SNX13: variants seen among roughly 807,000 people sequenced by gnomAD.
SNX13 encodes sorting nexin-13.
In SNX13, 45 loss-of-function variants were observed where a neutral mutation model predicts 133.6. The observed-to-expected ratio is 0.34, with a 90% confidence interval of 0.27 to 0.43. The LOEUF is 0.43. SNX13 is among the 20% of genes least tolerant of loss of function. The pLI is 1.00. For synonymous variants in SNX13, 414 were observed against 373.9 expected, an observed-to-expected ratio of 1.11 and a Z score of -1.24; for missense variants, 1,032 against 1,145.1, an observed-to-expected ratio of 0.90 and a Z score of 1.43.
At chr7:17,835,809 T>C (rs1172072309) in intron 13 of SNX13, among the ~76,000 whole-genome samples, 1 of 152,030 alleles carries the variant, frequency 6.6e-6, no homozygotes, top group Non-Finnish European at 1.5e-5. Context: ...AATGCCCCAC[T>C]GTCAATTTGA....
In SNX13 at chr7:17,878,359, A is replaced by C. The variant is rs558751502; in HGVS notation, c.441-2569T>G. On this transcript the variant is annotated intron_variant, in intron 5 of 25. Coordinates refer to ENST00000428135, the MANE Select transcript of SNX13 (RefSeq NM_015132.5). ...ACACAATCCCTATATGGCCAAAAAAAGTGATACAATTAACCCTAGCTTGAA... is the reference window on the plus strand; with the variant it reads ...ACACAATCCCTATATGGCCAAAAAACGTGATACAATTAACCCTAGCTTGAA... Among the ~76,000 whole-genome samples the C allele has an allele frequency of 2.1e-3, 321 of 152,336 alleles. 1 individual carries two copies. Among genetic ancestry groups the C allele is most frequent in the Non-Finnish European group, 3.6e-3 (246 of 68,020 alleles).
At chr7:17,933,067 A>G (rs554298164) in intron 1 of SNX13, among the ~76,000 whole-genome samples, 2 of 152,182 alleles carry the variant, frequency 1.3e-5, no homozygotes, top group Non-Finnish European at 2.9e-5. Flanking sequence ...ATAAAAATCA[A>G]TCTCCAGCAC....
intron 8 of SNX13, among the ~76,000 whole-genome samples, chr7:17,871,118 G>A (rs942316278): frequency 1.3e-5 from 2 of 151,652 alleles, no homozygotes; most frequent in African/African-American, 4.8e-5. Flanking sequence ...CCATTCTCCT[G>A]CCTCAGCCTC....
At chr7:17,841,735 G>A (rs1789929588) in intron 12 of SNX13, among the ~76,000 whole-genome samples, 1 of 151,696 alleles carries the variant, frequency 6.6e-6, no homozygotes, top group Non-Finnish European at 1.5e-5. Context: ...CCTTAAAGAT[G>A]CCCAAAAGAC....
intron 5 of SNX13, among the ~76,000 whole-genome samples, chr7:17,884,121 T>C (rs2691552): frequency 0.64 from 96,951 of 151,952 alleles, 33,126 homozygotes; most frequent in African/African-American, 0.89. Context: ...AGAAGAATTA[T>C]AAATATATAG....
chr7:17,839,012 TAGA>T (rs1789519477), intron 13 of SNX13, among the ~76,000 whole-genome samples: 1 of 149,934 alleles, frequency 6.7e-6, no homozygotes, highest in African/African-American at 2.4e-5. Flanking sequence ...ACAATATTAT[TAGA>T]ATTGTTATTA....
At chr7:17,874,370 A>G (rs1794460589) in intron 7 of SNX13, among the ~76,000 whole-genome samples, 3 of 152,204 alleles carry the variant, frequency 2.0e-5, no homozygotes, top group Admixed American at 6.5e-5. Flanking sequence ...TGTTTACATT[A>G]TTGATAAGGG....
intron 1 of SNX13, among the ~76,000 whole-genome samples, chr7:17,933,800 G>GAAA (rs67821826): frequency 2.8e-5 from 4 of 142,568 alleles, no homozygotes; most frequent in African/African-American, 2.6e-5. Flanking sequence ...GGAATATACA[G>GAAA]AAAAAAAAAA....
rs780387212 is a variant in SNX13 at position 17,821,503 on chromosome 7, C to A, written c.1845+6G>T. 21 of 1,604,802 alleles carry A rather than the reference C, an allele frequency of 1.3e-5. No individual in the cohort carries two copies. Among genetic ancestry groups the A allele is most frequent in the Non-Finnish European group, 1.7e-5 (20 of 1,175,874 alleles). On this transcript the variant is annotated splice_donor_region_variant and intron_variant, in intron 18 of 25. Transcript: ENST00000428135. ...TAAAGTACACAAGTTTTTAAAACTT[C>A]ATTACCTGTTCAGTGATTCTCATGT...
chr7:17,855,105 C>T (rs1047574463), intron 9 of SNX13, among the ~76,000 whole-genome samples: 1 of 152,170 alleles, frequency 6.6e-6, no homozygotes, highest in Non-Finnish European at 1.5e-5. Flanking sequence ...GACAGAAAAT[C>T]ACACCAGACA....
intron 18 of SNX13, among the ~76,000 whole-genome samples, chr7:17,816,748 AAC>A (rs1234489167): frequency 6.6e-6 from 1 of 152,208 alleles, no homozygotes; most frequent in African/African-American, 2.4e-5. Context: ...GAAAATAAAA[AAC>A]ATTGTCCAAA....
intron 16 of SNX13, among the ~76,000 whole-genome samples, chr7:17,828,700 A>G (rs1038376298): frequency 2.0e-5 from 3 of 151,660 alleles, no homozygotes; most frequent in Non-Finnish European, 4.4e-5. Context: ...ACTGACTTCA[A>G]GTATGACTGT....
chr7:17,794,067 G>A lies in SNX13; in HGVS notation c.2852C>T (p.Ala951Val), dbSNP rs966638937. ...GTGTCACCTTTTCTGCAAAGAAGGC[G>A]CTTGAGTAGTTTGAAGTTTCTGTTT... ...KYKQKLQTTQ[A>V]PSLQKR The change falls in exon 26 of 26, where the codon GCG (alanine) becomes GTG (valine). Residue 951 changes from alanine (A) to valine (V), a missense_variant. By Grantham distance (64) the Ala-to-Val change is moderately conservative. Transcript: ENST00000428135. 7 of 1,611,184 alleles carry A rather than the reference G, an allele frequency of 4.3e-6. No homozygotes were observed. The highest frequency in any genetic ancestry group is 1.6e-4 in the Middle Eastern group (1 of 6,064).
intron 20 of SNX13, among the ~76,000 whole-genome samples, chr7:17,804,073 A>G (rs1784920442): frequency 6.6e-6 from 1 of 152,062 alleles, no homozygotes; most frequent in Admixed American, 6.6e-5. Flanking sequence ...ACAAAAAACA[A>G]AAGTATTTTC....
rs1174185427 is a variant in SNX13, at chr7:17,834,078, A to C, written c.1571T>G (p.Phe524Cys). Residue 524 changes from phenylalanine (F) to cysteine (C), a missense_variant, in exon 15 of 26, where the codon TTC becomes TGC. Physicochemically the swap from Phe to Cys is radical, Grantham distance 205. Transcript: ENST00000428135. ...AELDMLKDPS[F>C]RGSDDGDGES... Reference sequence around the variant, plus strand: ...TCCATCCCCATCATCGGATCCTCTGAAACTAGGATCTTTTAACATGTCAAG... The same window carrying C: ...TCCATCCCCATCATCGGATCCTCTGCAACTAGGATCTTTTAACATGTCAAG... The C allele has an allele frequency of 6.3e-7, 1 of 1,582,232 alleles. No homozygotes were observed. The highest frequency in any genetic ancestry group is 1.3e-5 in the African/African-American group (1 of 74,306).
chr7:17,847,825 C>T (rs74881498), intron 11 of SNX13, among the ~76,000 whole-genome samples: 1 of 152,108 alleles, frequency 6.6e-6, no homozygotes, highest in Admixed American at 6.5e-5. Context: ...GTAGGAAGTC[C>T]AATGGTCAAT....
chr7:17,865,535 T>A (rs1793286789), intron 9 of SNX13, among the ~76,000 whole-genome samples: 1 of 152,150 alleles, frequency 6.6e-6, no homozygotes, highest in Admixed American at 6.5e-5. Flanking sequence ...AGAATCAATA[T>A]TGCTAAAATG....
At chr7:17,819,555 T>C (rs1787050467) in intron 18 of SNX13, among the ~76,000 whole-genome samples, 1 of 152,210 alleles carries the variant, frequency 6.6e-6, no homozygotes, top group Admixed American at 6.6e-5. Flanking sequence ...CACAAAATTA[T>C]ATAAACAAAT....
intron 1 of SNX13, among the ~76,000 whole-genome samples, chr7:17,929,663 T>C (rs1321793087): frequency 5.3e-5 from 8 of 152,154 alleles, no homozygotes; most frequent in Admixed American, 3.9e-4. Flanking sequence ...GTCAGAAAAC[T>C]ACAATAATAG....
Sources: gnomAD v4.1 joint callset for allele counts (sites outside exome capture counted in the v4.1 genomes callset) on GRCh38, gnomAD v4.1.1 for gene constraint, MANE v1.5 for transcripts, NCBI Gene and HGNC (gene_info 2026-07-23, HGNC 2026-07-21) for gene names.